Variants in DCC observed in about 807,000 individuals in gnomAD.
DCC encodes the protein DCC netrin 1 receptor.
DCC carries 58 observed loss-of-function variants against 172.5 expected under a neutral mutation model. The observed-to-expected ratio is 0.34, with a 90% CI of 0.27 to 0.42. DCC has a LOEUF of 0.42. DCC is among the 10% of genes least tolerant of loss of function. The pLI, the probability that DCC is intolerant of heterozygous loss-of-function variation, is 1.00. For missense variants in DCC, 1,740 were observed against 1,791.0 expected, an observed-to-expected ratio of 0.97 and a Z score of 0.51; for synonymous variants, 709 against 644.5, an observed-to-expected ratio of 1.10 and a Z score of -1.52.
At chr18:53,222,693 C>A (rs2055961747) in intron 12 of DCC, among the ~76,000 whole-genome samples, 1 of 151,992 alleles carries the variant, frequency 6.6e-6, no homozygotes, top group African/African-American at 2.4e-5. Context: ...GCCTATGGTA[C>A]TTTCCCAAGA....
chr18:52,933,901 T>A lies in DCC; in HGVS notation c.985+8531T>A, dbSNP rs550906179. Among the ~76,000 whole-genome samples the A allele has an allele frequency of 5.9e-5, 9 of 152,112 alleles. No individual in the cohort carries two copies. The South Asian group carries it at 1.9e-3, about 32-fold the overall frequency. ...CAATGATAATTACTTTATCATAGGA[T>A]TTGGTGTCCGTTTGAGTGTGAAAAG... On this transcript the variant is annotated intron_variant, in intron 5 of 28. Coordinates refer to ENST00000442544, the MANE Select transcript of DCC (RefSeq NM_005215.4).
intron 9 of DCC, among the ~76,000 whole-genome samples, chr18:53,198,737 C>T (rs1360225907): frequency 6.6e-6 from 1 of 152,128 alleles, no homozygotes; most frequent in South Asian, 2.1e-4. Context: ...TGAATTTCCA[C>T]TGTAATGAAA....
chr18:52,656,966 G>T (rs916837470), intron 1 of DCC, among the ~76,000 whole-genome samples: 1 of 151,966 alleles, frequency 6.6e-6, no homozygotes, highest in Non-Finnish European at 1.5e-5. Flanking sequence ...ACTCTTTTCT[G>T]GGGAGCTTCA....
intron 15 of DCC, among the ~76,000 whole-genome samples, chr18:53,372,925 C>T (rs920790543): frequency 6.6e-6 from 1 of 152,112 alleles, no homozygotes; most frequent in Non-Finnish European, 1.5e-5. Flanking sequence ...TTTGTAGCCC[C>T]TTTTAAGTTT....
chr18:53,091,832 TATCTATCTATCTATCTATCA>T (rs1335261989), intron 7 of DCC, among the ~76,000 whole-genome samples: 11 of 73,200 alleles, frequency 1.5e-4, no homozygotes, highest in African/African-American at 4.1e-4. Flanking sequence ...TCTATCTATC[TATCTATCTATCTATCTATCA>T]ATCTATCTAT....
At chr18:53,348,246 C>A (rs1470508560) in intron 15 of DCC, among the ~76,000 whole-genome samples, 2 of 152,130 alleles carry the variant, frequency 1.3e-5, no homozygotes, top group Non-Finnish European at 2.9e-5. Context: ...GAGAAATTGG[C>A]CAAAACAAAG....
In DCC at chr18:53,532,078, T is replaced by C. The variant is rs1296920524; in HGVS notation, c.*1425T>C. 1.3e-5 allele frequency: 2 copies of C among 152,188 alleles called. No individual in the cohort carries two copies. The highest frequency in any genetic ancestry group is 4.8e-5 in the African/African-American group (2 of 41,450). 9.4% of individuals were successfully genotyped at this position (152,188 alleles called of 1,614,324 possible). ...TGCAGCTGAATCGCCAAAAGGGAGC[T>C]AGTTTGCATATTTATCAGTTAGGTG... is the stretch of plus-strand genomic sequence containing the variant. On this transcript the variant is annotated 3_prime_UTR_variant, in exon 29 of 29. Coordinates refer to ENST00000442544, the MANE Select transcript of DCC (RefSeq NM_005215.4).
At chr18:52,925,723 A>T (rs1234717522) in intron 5 of DCC, among the ~76,000 whole-genome samples, 1 of 151,962 alleles carries the variant, frequency 6.6e-6, no homozygotes, top group South Asian at 2.1e-4. Flanking sequence ...TTTATCCTTG[A>T]GGGGAAAAAG....
At chr18:53,471,165 C>T (rs534510678) in intron 25 of DCC, among the ~76,000 whole-genome samples, 97 of 152,104 alleles carry the variant, frequency 6.4e-4, no homozygotes, top group Non-Finnish European at 1.1e-3. Flanking sequence ...AAAAACTATT[C>T]GTATTTTTTG....
intron 2 of DCC, among the ~76,000 whole-genome samples, chr18:52,757,818 G>T (rs2037099429): frequency 6.6e-6 from 1 of 151,984 alleles, no homozygotes; most frequent in Non-Finnish European, 1.5e-5. Context: ...TACCCAAATT[G>T]ACAGGTTAAG....
chr18:52,486,613 T>A (rs1434316271), intron 1 of DCC, among the ~76,000 whole-genome samples: 2 of 152,188 alleles, frequency 1.3e-5, no homozygotes, highest in African/African-American at 4.8e-5. Flanking sequence ...ATAACACTTA[T>A]GGCCCTGGAA....
intron 5 of DCC, among the ~76,000 whole-genome samples, chr18:52,997,590 C>T (rs2041501371): frequency 6.6e-6 from 1 of 151,950 alleles, no homozygotes; most frequent in Non-Finnish European, 1.5e-5. Context: ...TTTTCTGCCA[C>T]GATTGTGGAT....
intron 1 of DCC, among the ~76,000 whole-genome samples, chr18:52,460,123 C>T (rs1225423909): frequency 1.3e-5 from 2 of 152,116 alleles, no homozygotes; most frequent in Non-Finnish European, 2.9e-5. Flanking sequence ...CTCCTTTGTT[C>T]TCACTTCCTG....
At chr18:53,212,925 G>A (rs2055780761) in intron 11 of DCC, among the ~76,000 whole-genome samples, 1 of 151,954 alleles carries the variant, frequency 6.6e-6, no homozygotes, top group South Asian at 2.1e-4. Context: ...ACCTCCCTCG[G>A]GCTCCCAAAG....
rs956667416 is a variant in DCC at position 52,468,320 on chromosome 18, G to A, written c.91+127442G>A. 2.0e-5 allele frequency among the ~76,000 whole-genome samples: 3 copies of A among 152,258 alleles called. No homozygotes were observed. The East Asian group carries it at 5.8e-4, about 29-fold the overall frequency. On this transcript the variant is annotated intron_variant, in intron 1 of 28. Transcript: ENST00000442544. ...TAGTAACCACAAAAAATTGTCCATC[G>A]AAAAAGATTGATGTTGGTAGAGCAC...
chr18:52,830,891 T>C (rs1057158008), intron 2 of DCC, among the ~76,000 whole-genome samples: 10 of 152,026 alleles, frequency 6.6e-5, no homozygotes, highest in African/African-American at 9.7e-5. Flanking sequence ...CCTCATGGAG[T>C]TGAATTTTAA....
chr18:52,813,132 G>T (rs1431733), intron 2 of DCC, among the ~76,000 whole-genome samples: 1 of 150,312 alleles, frequency 6.7e-6, no homozygotes, highest in Non-Finnish European at 1.5e-5. Context: ...TGAACTTAAT[G>T]ATCCCTAATG....
At chr18:52,841,631 G>A (rs1278775652) in intron 2 of DCC, among the ~76,000 whole-genome samples, 2 of 152,106 alleles carry the variant, frequency 1.3e-5, no homozygotes, top group Admixed American at 6.6e-5. Context: ...TGAAAAGGCT[G>A]TCTGAAAAAA....
chr18:52,517,148 G>C (rs1050289515), intron 1 of DCC, among the ~76,000 whole-genome samples: 2 of 152,230 alleles, frequency 1.3e-5, no homozygotes, highest in African/African-American at 4.8e-5. Flanking sequence ...ACTTTCAATA[G>C]AGGAAGGGTG....
Sources: gnomAD v4.1 joint callset for allele counts (sites outside exome capture counted in the v4.1 genomes callset) on GRCh38, gnomAD v4.1.1 for gene constraint, MANE v1.5 for transcripts, NCBI Gene and HGNC (gene_info 2026-07-23, HGNC 2026-07-21) for gene names.